Variants in ADGRV1 observed in about 807,000 individuals in gnomAD.
The protein encoded by ADGRV1 is adhesion G protein-coupled receptor V1, also known as G-protein coupled receptor 98.
Under a neutral mutation model 596.2 loss-of-function variants are expected in ADGRV1, and 359 were observed. The observed-to-expected ratio is 0.60, with a 90% CI of 0.55 to 0.66. ADGRV1 has a LOEUF of 0.66. Among genes scored for constraint, ADGRV1 ranks in the 30% least tolerant of loss-of-function variants. ADGRV1 has a pLI of 0.00. For synonymous variants in ADGRV1, 2,681 were observed against 2,679.2 expected, an observed-to-expected ratio of 1.00 and a Z score of -0.02; for missense variants, 7,274 against 7,575.6, an observed-to-expected ratio of 0.96 and a Z score of 1.48.
chr5:90,598,327 C>G (rs986187635), intron 1 of ADGRV1, among the ~76,000 whole-genome samples: 1 of 152,212 alleles, frequency 6.6e-6, no homozygotes, highest in South Asian at 2.1e-4. Flanking sequence ...ACATGGCTTT[C>G]CTTTAAGCTC....
At position 90,676,786 on chromosome 5, in the gene ADGRV1, C is replaced by T. The variant is rs144339293; in HGVS notation, c.5443+577C>T. The T allele has an allele frequency of 2.9e-3, 443 of 152,384 alleles. 1 individual carries two copies. Among genetic ancestry groups the T allele is most frequent in the African/African-American group, 9.4e-3 (390 of 41,540 alleles). 9.4% of individuals were successfully genotyped at this position (152,384 alleles called of 1,614,324 possible). The stretch of plus-strand genomic sequence containing the variant: ...CTGCTAGATCTATCTACAGATATAA[C>T]GCTGTAAAATCTGGTCCTTTTGGAT... On this transcript the variant is annotated intron_variant, in intron 25 of 89. Coordinates refer to ENST00000405460, the MANE Select transcript of ADGRV1 (RefSeq NM_032119.4).
In ADGRV1 at chr5:90,683,576, T is replaced by C. The variant is rs1226461304; in HGVS notation, c.5665-10T>C. The C allele has an allele frequency of 2.1e-5, 33 of 1,558,456 alleles. No individual in the cohort carries two copies. Among genetic ancestry groups the C allele is most frequent in the Non-Finnish European group, 2.8e-5 (32 of 1,146,114 alleles). On this transcript the variant is annotated splice_polypyrimidine_tract_variant and intron_variant, in intron 27 of 89. Coordinates refer to ENST00000405460, the MANE Select transcript of ADGRV1 (RefSeq NM_032119.4). ...TCTTTTAATAGATTTTAATATTAAG[T>C]ATTTTGTAGGTTATAAGACATCATG...
intron 1 of ADGRV1, among the ~76,000 whole-genome samples, chr5:90,590,854 G>GT (rs1490811499): frequency 6.6e-6 from 1 of 151,944 alleles, no homozygotes; most frequent in Non-Finnish European, 1.5e-5. Flanking sequence ...GCACTTGTGT[G>GT]TTTTTTTAAA....
rs555942538 is a variant in ADGRV1, at chr5:90,737,240, C to T, written c.10549+7476C>T. Among the ~76,000 whole-genome samples, 6 of 151,598 alleles carry T rather than the reference C, an allele frequency of 4.0e-5. No individual in the cohort carries two copies. In the East Asian group the frequency reaches 9.7e-4, roughly 24 times the overall value. On this transcript the variant is annotated intron_variant, in intron 50 of 89. Coordinates refer to ENST00000405460, the MANE Select transcript of ADGRV1 (RefSeq NM_032119.4). ...TAATTTCTACATATTTGTGAATTTC[C>T]CAAGATTTCTTCTGTTATTGATTTC... is the stretch of plus-strand genomic sequence containing the variant.
intron 85 of ADGRV1, among the ~76,000 whole-genome samples, chr5:91,010,051 T>G (rs1430242876): frequency 6.6e-6 from 1 of 152,096 alleles, no homozygotes; most frequent in East Asian, 1.9e-4. Context: ...CTTATCATCT[T>G]AGCATTTCAT....
At chr5:90,705,033 C>T (rs1375742136) in intron 36 of ADGRV1, among the ~76,000 whole-genome samples, 7 of 152,276 alleles carry the variant, frequency 4.6e-5, no homozygotes, top group African/African-American at 1.7e-4. Flanking sequence ...TGATCTCAAT[C>T]TCTTGATCTT....
chr5:90,958,283 C>CAAAAAAAAAAAAA (rs34676985), intron 83 of ADGRV1, among the ~76,000 whole-genome samples: 1 of 72,830 alleles, frequency 1.4e-5, no homozygotes, highest in African/African-American at 4.9e-5. Context: ...GACCTTGTCT[C>CAAAAAAAAAAAAA]AAAAAAAAAA....
intron 83 of ADGRV1, among the ~76,000 whole-genome samples, chr5:90,945,997 AGGAG>A (rs1423287426): frequency 6.6e-6 from 1 of 152,038 alleles, no homozygotes; most frequent in African/African-American, 2.4e-5. Flanking sequence ...AAAGAAGGGA[AGGAG>A]GGAGGGAGGG....
At chr5:90,996,309 A>G (rs911991686) in intron 85 of ADGRV1, among the ~76,000 whole-genome samples, 1 of 152,126 alleles carries the variant, frequency 6.6e-6, no homozygotes, top group Non-Finnish European at 1.5e-5. Context: ...GATACCCTGC[A>G]TCCCAGCCCT....
chr5:91,085,409 G>T (rs1330199479), intron 86 of ADGRV1, among the ~76,000 whole-genome samples: 1 of 152,034 alleles, frequency 6.6e-6, no homozygotes, highest in Admixed American at 6.6e-5. Context: ...ACATCCTTTG[G>T]ATTATTTTTA....
chr5:90,635,413 C>G (rs1266889253), intron 10 of ADGRV1, 123 bp downstream of exon 10: 1 of 789,230 alleles, frequency 1.3e-6, no homozygotes, highest in African/African-American at 1.7e-5. Flanking sequence ...GTACAAGAAG[C>G]CTTCAGTATG....
chr5:90,690,782 C>T lies in ADGRV1; in HGVS notation c.6707-15C>T. On this transcript the variant is annotated splice_polypyrimidine_tract_variant and intron_variant, in intron 30 of 89. Transcript: ENST00000405460. ...CTTTGTATTTGAAATGAACTCTGCT[C>T]TGTCTACCCTTCAGGTTTTCAGATT... The T allele has an allele frequency of 6.3e-7, 1 of 1,585,368 alleles. No homozygotes were observed. The highest frequency in any genetic ancestry group is 1.3e-5 in the African/African-American group (1 of 74,556).
chr5:90,898,543 T>A (rs1413710387), intron 83 of ADGRV1, among the ~76,000 whole-genome samples: 1 of 152,222 alleles, frequency 6.6e-6, no homozygotes, highest in Non-Finnish European at 1.5e-5. Flanking sequence ...AATATCATCA[T>A]TGGGATTACA....
At chr5:91,154,764 G>T (rs938396739) in intron 89 of ADGRV1, among the ~76,000 whole-genome samples, 3 of 152,186 alleles carry the variant, frequency 2.0e-5, no homozygotes, top group Non-Finnish European at 4.4e-5. Flanking sequence ...TCACAGGGTG[G>T]CAGGACAGAG....
At chr5:90,631,993 T>C (rs1208719440) in intron 9 of ADGRV1, among the ~76,000 whole-genome samples, 1 of 152,210 alleles carries the variant, frequency 6.6e-6, no homozygotes, top group Non-Finnish European at 1.5e-5. Flanking sequence ...ATTTCTGAAG[T>C]TTCAAGACTG....
chr5:90,720,860 A>C, intron 44 of ADGRV1, 75 bp from the exon 45 acceptor site: 7 of 1,232,380 alleles, frequency 5.7e-6, no homozygotes, highest in Non-Finnish European at 7.8e-6. Flanking sequence ...AGTATATGCT[A>C]GCAATATGAT....
chr5:90,850,352 G>A (rs932316007), intron 79 of ADGRV1, among the ~76,000 whole-genome samples: 1 of 152,136 alleles, frequency 6.6e-6, no homozygotes, highest in Admixed American at 6.5e-5. Context: ...AGCCTCACAT[G>A]GGGCTTTTGA....
chr5:90,583,046 T>C (rs981400673), intron 1 of ADGRV1, among the ~76,000 whole-genome samples: 8 of 152,198 alleles, frequency 5.3e-5, no homozygotes, highest in Non-Finnish European at 1.2e-4. Flanking sequence ...GTATAAATAA[T>C]TGGAAACAAT....
At chr5:90,614,155 GAAAAAAA>G (rs11286344) in intron 1 of ADGRV1, 8 of 259,990 alleles carry the variant, frequency 3.1e-5, no homozygotes, top group Non-Finnish European at 4.2e-5. Flanking sequence ...ATATCATAGT[GAAAAAAA>G]AAAAAAAAAA....
Sources: gnomAD v4.1 joint callset for allele counts (sites outside exome capture counted in the v4.1 genomes callset) on GRCh38, gnomAD v4.1.1 for gene constraint, MANE v1.5 for transcripts, NCBI Gene and HGNC (gene_info 2026-07-23, HGNC 2026-07-21) for gene names.